Variants in ZNF438 observed in about 807,000 individuals in gnomAD.
The protein encoded by ZNF438 is zinc finger protein 438.
Under a neutral mutation model 38.0 loss-of-function variants are expected in ZNF438, and 25 were observed. The observed-to-expected ratio is 0.66, with a 90% CI of 0.48 to 0.92. ZNF438 has a LOEUF of 0.92. ZNF438 is among the 40% of genes least tolerant of loss of function. The pLI is 0.00. For missense variants in ZNF438, 1,007 were observed against 999.6 expected (o/e 1.01, Z -0.10); for synonymous variants, 372 against 364.1 (o/e 1.02, Z -0.25).
intron 1 of ZNF438, among the ~76,000 whole-genome samples, chr10:30,972,549 C>T (rs2050861956): frequency 6.6e-6 from 1 of 152,150 alleles, no homozygotes; most frequent in Non-Finnish European, 1.5e-5. Context: ...TATTAACTCC[C>T]TAAAAACAGC....
At chr10:30,894,942 T>C (rs1461066435) in intron 3 of ZNF438, among the ~76,000 whole-genome samples, 3 of 152,202 alleles carry the variant, frequency 2.0e-5, no homozygotes, top group Non-Finnish European at 2.9e-5. Flanking sequence ...AGTTAAATAT[T>C]TGAAGAGCAT....
At chr10:30,926,464 G>A (rs557223825) in intron 2 of ZNF438, among the ~76,000 whole-genome samples, 2 of 152,070 alleles carry the variant, frequency 1.3e-5, no homozygotes, top group Non-Finnish European at 2.9e-5. Flanking sequence ...TCAGGAGTTC[G>A]AGACTAGCCT....
chr10:31,019,630 C>G (rs1323056510), intron 1 of ZNF438, among the ~76,000 whole-genome samples: 1 of 152,224 alleles, frequency 6.6e-6, no homozygotes, highest in Admixed American at 6.5e-5. Flanking sequence ...AACTGAAAAT[C>G]TGACAAAAAG....
chr10:30,961,193 T>C (rs1310280258), intron 1 of ZNF438, among the ~76,000 whole-genome samples: 1 of 142,392 alleles, frequency 7.0e-6, no homozygotes. Flanking sequence ...CATATGTAAC[T>C]AACCTGCACA....
intron 4 of ZNF438, among the ~76,000 whole-genome samples, chr10:30,861,387 T>C (rs2035556695): frequency 6.6e-6 from 1 of 152,172 alleles, no homozygotes. Flanking sequence ...GTTGAATCCA[T>C]GGATGCAGAA....
intron 4 of ZNF438, among the ~76,000 whole-genome samples, chr10:30,876,075 T>G: frequency 6.6e-6 from 1 of 152,240 alleles, no homozygotes; most frequent in South Asian, 2.1e-4. Context: ...GTGATACACC[T>G]AAAGTTTTAC....
chr10:30,981,845 G>A (rs554915334), intron 1 of ZNF438, among the ~76,000 whole-genome samples: 75 of 150,462 alleles, frequency 5.0e-4, no homozygotes, highest in Admixed American at 1.6e-3. Flanking sequence ...GCCATTGCAC[G>A]CCAGCATGGG....
chr10:30,874,751 T>C (rs1420377532), intron 4 of ZNF438, among the ~76,000 whole-genome samples: 1 of 151,448 alleles, frequency 6.6e-6, no homozygotes, highest in Non-Finnish European at 1.5e-5. Context: ...TGATCAAAAA[T>C]TATTAGAAAT....
chr10:30,935,153 T>C (rs2046108928), intron 2 of ZNF438, among the ~76,000 whole-genome samples: 1 of 152,228 alleles, frequency 6.6e-6, no homozygotes, highest in Non-Finnish European at 1.5e-5. Context: ...GTAAAGCAGG[T>C]TTTATCTCCA....
At chr10:30,972,468 G>A (rs570539370) in intron 1 of ZNF438, among the ~76,000 whole-genome samples, 9 of 152,182 alleles carry the variant, frequency 5.9e-5, no homozygotes, top group East Asian at 1.9e-4. Flanking sequence ...CTTTTGCAAC[G>A]TATTCTTTTT....
chr10:30,875,028 G>A (rs578087729), intron 4 of ZNF438, among the ~76,000 whole-genome samples: 44 of 152,074 alleles, frequency 2.9e-4, no homozygotes, highest in Non-Finnish European at 5.6e-4. Flanking sequence ...CACAATGGAG[G>A]CACATGATTG....
intron 2 of ZNF438, among the ~76,000 whole-genome samples, chr10:30,910,683 C>CAAA (rs11375197): frequency 2.7e-4 from 24 of 89,696 alleles, no homozygotes; most frequent in South Asian, 4.4e-4. Flanking sequence ...GTATATTGGC[C>CAAA]AAAAAAAAAA....
At chr10:30,894,619 A>G (rs564277188) in intron 3 of ZNF438, among the ~76,000 whole-genome samples, 1 of 152,302 alleles carries the variant, frequency 6.6e-6, no homozygotes, top group East Asian at 1.9e-4. Context: ...TGTAGAACTA[A>G]CGATCAAGAG....
rs567123050 is a variant in ZNF438, at chr10:30,936,461, G to A, written c.-115+5114C>T. 7.2e-5 allele frequency among the ~76,000 whole-genome samples: 11 copies of A among 152,192 alleles called. No individual in the cohort carries two copies. In the South Asian group the frequency reaches 2.3e-3, roughly 32 times the overall value. ...GGCCAAGGCAGGCAGATCACCTGAGGTCAGGAGTTCAAGACCAGCCTGGCC... is the reference window on the plus strand; with the variant it reads ...GGCCAAGGCAGGCAGATCACCTGAGATCAGGAGTTCAAGACCAGCCTGGCC... On this transcript the variant is annotated intron_variant, in intron 2 of 5. Coordinates refer to ENST00000413025, the Ensembl canonical transcript of ZNF438.
At chr10:30,930,851 T>TAAAAAA (rs5784228) in intron 2 of ZNF438, among the ~76,000 whole-genome samples, 2 of 129,172 alleles carry the variant, frequency 1.5e-5, no homozygotes, top group South Asian at 2.6e-4. Flanking sequence ...GGTTCTTTCC[T>TAAAAAA]AAAACCAGAA....
chr10:30,982,181 G>A (rs982791588), intron 1 of ZNF438, among the ~76,000 whole-genome samples: 4 of 150,240 alleles, frequency 2.7e-5, no homozygotes, highest in Non-Finnish European at 5.9e-5. Flanking sequence ...GGCTCACTGC[G>A]AACTCCGCCT....
intron 1 of ZNF438, among the ~76,000 whole-genome samples, chr10:31,011,106 C>T (rs1038056328): frequency 2.0e-5 from 3 of 152,026 alleles, no homozygotes; most frequent in South Asian, 2.1e-4. Flanking sequence ...GGAGGGTGCA[C>T]GTACCACTGT....
intron 5 of ZNF438, 21 bp downstream of exon 6, chr10:30,848,510 C>G (rs1390061589): frequency 1.3e-6 from 2 of 1,589,444 alleles, no homozygotes; most frequent in Non-Finnish European, 1.7e-6. Flanking sequence ...CTTGCCAGGT[C>G]TCCATTACAT....
chr10:30,935,941 T>C (rs1395209451), intron 2 of ZNF438, among the ~76,000 whole-genome samples: 1 of 152,148 alleles, frequency 6.6e-6, no homozygotes, highest in African/African-American at 2.4e-5. Context: ...AGTATTACAA[T>C]TCAAGATGAG....
Sources: gnomAD v4.1 joint callset for allele counts (sites outside exome capture counted in the v4.1 genomes callset) on GRCh38, gnomAD v4.1.1 for gene constraint, MANE v1.5 for transcripts, NCBI Gene and HGNC (gene_info 2026-07-23, HGNC 2026-07-21) for gene names.